Variants in ZFP37 observed in about 807,000 individuals in gnomAD.
ZFP37 encodes zinc finger protein 37 homolog.
In ZFP37, 38 loss-of-function variants were observed where a neutral mutation model predicts 52.1. The ratio of observed to expected loss-of-function variants is 0.73; its 90% CI spans 0.56 to 0.96. The LOEUF is 0.96. Ranked by LOEUF, ZFP37 falls within the 40% of genes least tolerant of loss-of-function variation. ZFP37 has a pLI of 0.00. For missense variants in ZFP37, 695 were observed against 741.4 expected (o/e 0.94, Z 0.73); for synonymous variants, 253 against 259.5 (o/e 0.98, Z 0.24).
rs763529866 is a variant in ZFP37 at position 113,042,873 on chromosome 9, A to G, written c.1745T>C (p.Phe582Ser). Residue 582 changes from phenylalanine to serine, a missense_variant, in exon 4 of 4, where the codon TTT becomes TCT. By Grantham distance (155) the Phe-to-Ser change is radical (BLOSUM62 -2). Around this residue, in one of 2 missense-constraint regions of ZFP37, gnomAD observed 326 missense variants for 400.5 expected, o/e 0.81. Coordinates refer to ENST00000374227, the MANE Select transcript of ZFP37 (RefSeq NM_003408.3). ...PYECNECEKA[F>S]NAKSQLVIHQ... The stretch of plus-strand genomic sequence containing the variant: ...TATAACAAGCTGTGATTTTGCATTA[A>G]AGGCTTTTTCACATTCGTTACATTC... 1 of 1,613,896 alleles carries G rather than the reference A, an allele frequency of 6.2e-7. No individual in the cohort carries two copies. Among genetic ancestry groups the G allele is most frequent in the Non-Finnish European group, 8.5e-7 (1 of 1,179,920 alleles).
At position 113,041,777 on chromosome 9, in the gene ZFP37, ATGT is replaced by A. The variant is rs1460172932; in HGVS notation, c.*945_*947del. 1 of 152,208 alleles carries A rather than the reference ATGT, an allele frequency of 6.6e-6. No individual in the cohort carries two copies. Among genetic ancestry groups the A allele is most frequent in the Non-Finnish European group, 1.5e-5 (1 of 68,036 alleles). 9.4% of individuals were successfully genotyped at this position (152,208 alleles called of 1,614,324 possible). The stretch of plus-strand genomic sequence containing the variant: ...CTGAGATCTCACATGTTGATCTCAC[ATGT>A]TGTGGAGGGGCTCAGTGACAACCTT... On this transcript the variant is annotated 3_prime_UTR_variant, in exon 4 of 4. Transcript: ENST00000374227.
chr9:113,048,195 G>C (rs888183690), intron 3 of ZFP37, among the ~76,000 whole-genome samples: 5 of 152,198 alleles, frequency 3.3e-5, no homozygotes, highest in African/African-American at 1.2e-4. Flanking sequence ...AATTTAGATA[G>C]AGGCATGAAT....
chr9:113,041,590 G>C lies in ZFP37; in HGVS notation c.*1135C>G, dbSNP rs553340632. ...CAATCACAATTCAACATCAAAAAAT[G>C]GCAAATGTAGAAACAGTGCTGTTAT... On this transcript the variant is annotated 3_prime_UTR_variant, in exon 4 of 4. Transcript: ENST00000374227. 1.3e-5 allele frequency: 2 copies of C among 152,240 alleles called. No homozygotes were observed. Among genetic ancestry groups the C allele is most frequent in the East Asian group, 3.9e-4 (2 of 5,184 alleles). The allele number at this position is 152,240 out of a possible 1,614,324, so 9.4% of individuals were successfully genotyped here. A position where few individuals can be genotyped will look rare whatever the true frequency, so the allele number is the denominator to read the frequency against.
In ZFP37 at chr9:113,043,807, G is replaced by C. The variant is rs772365522; in HGVS notation, c.811C>G (p.His271Asp). The change falls in exon 4 of 4, where the codon CAT becomes GAT. Residue 271 changes from histidine (H) to aspartate (D), a missense_variant. This residue lies in a region of ZFP37 where 369 missense variants were observed against 340.9 expected (regional missense o/e 1.08). Coordinates refer to ENST00000374227, the MANE Select transcript of ZFP37 (RefSeq NM_003408.3). ...GAGCTAAGGCTGGGTGATTTCTCATGTTTCTCTCCAGTTTGAATTTTGTCC... is the reference window on the plus strand; with the variant it reads ...GAGCTAAGGCTGGGTGATTTCTCATCTTTCTCTCCAGTTTGAATTTTGTCC... ...KQDKIQTGEK[H>D]EKSPSLSSST... 1 of 1,613,948 alleles carries C rather than the reference G, an allele frequency of 6.2e-7. No homozygotes were observed. The highest frequency in any genetic ancestry group is 8.5e-7 in the Non-Finnish European group (1 of 1,179,948).
At position 113,040,780 on chromosome 9, in the gene ZFP37, G is replaced by A. The variant is rs113740835; in HGVS notation, c.*1945C>T. ...GAATAAATGAAATAATGTAGGGATT[G>A]TGCTTTAAAAAATATAAAAGATAAC... On this transcript the variant is annotated 3_prime_UTR_variant, in exon 4 of 4. Coordinates refer to ENST00000374227, the MANE Select transcript of ZFP37 (RefSeq NM_003408.3). 3.9e-4 allele frequency: 60 copies of A among 152,160 alleles called. No homozygotes were observed. The highest frequency in any genetic ancestry group is 1.3e-3 in the African/African-American group (55 of 41,528). The allele number at this position is 152,160 out of a possible 1,614,324, so 9.4% of individuals were successfully genotyped here.
chr9:113,048,792 C>T (rs1019030518), intron 3 of ZFP37, among the ~76,000 whole-genome samples: 1 of 152,158 alleles, frequency 6.6e-6, no homozygotes, highest in African/African-American at 2.4e-5. Flanking sequence ...CCATGTTGAA[C>T]TCAGGAGTGG....
intron 3 of ZFP37, among the ~76,000 whole-genome samples, chr9:113,045,444 A>G (rs941604109): frequency 1.3e-5 from 2 of 152,204 alleles, no homozygotes; most frequent in African/African-American, 4.8e-5. Context: ...TTGTTTTCCA[A>G]TAGTTTGCTA....
chr9:113,051,144 T>C (rs1829050129), intron 1 of ZFP37, among the ~76,000 whole-genome samples: 1 of 152,138 alleles, frequency 6.6e-6, no homozygotes, highest in Admixed American at 6.5e-5. Context: ...GACAGAGCTA[T>C]GAAAAATACA....
chr9:113,042,732 T>C lies in ZFP37; in HGVS notation c.1886A>G (p.His629Arg). 2 of 1,545,018 alleles carry C rather than the reference T, an allele frequency of 1.3e-6. No homozygotes were observed. Among genetic ancestry groups the C allele is most frequent in the Non-Finnish European group, 1.7e-6 (2 of 1,144,170 alleles). ...HVKTHSEDKS[H>R]E is the part of the protein sequence containing the mutation. ...AAATTTCCCACATTAACTTCACTCA[T>C]GAGATTTATCTTCTGAATGAGTTTT... Residue 629 changes from histidine (H) to arginine (R), a missense_variant, in exon 4 of 4, where the codon CAT becomes CGT. This residue lies in a region of ZFP37 where 326 missense variants were observed against 400.5 expected (regional missense o/e 0.81). Transcript: ENST00000374227.
rs919522040 is a variant in ZFP37, at chr9:113,049,386, G to T, written c.325C>A (p.Pro109Thr). ...CTTCCATCAGTTTCTTTTTGCTTGG[G>T]TCTTGCTATTTTACTTGGACAACCT... ...SQGCPSKIAR[P>T]KQKETDGKVQ... The change falls in exon 3 of 4, where the codon CCC becomes ACC. Residue 109 changes from proline (P) to threonine (T), a missense_variant. This residue lies in a region of ZFP37 where 369 missense variants were observed against 340.9 expected (regional missense o/e 1.08). Coordinates refer to ENST00000374227, the MANE Select transcript of ZFP37 (RefSeq NM_003408.3). 1.2e-6 allele frequency: 2 copies of T among 1,613,638 alleles called. No individual in the cohort carries two copies. The highest frequency in any genetic ancestry group is 1.7e-6 in the Non-Finnish European group (2 of 1,179,852).
At chr9:113,044,298 T>C (rs996001036) in intron 3 of ZFP37, 30 bp from the exon 4 acceptor site, 8 of 1,517,134 alleles carry the variant, frequency 5.3e-6, no homozygotes, top group Admixed American at 4.6e-5. Context: ...GATATTCTTG[T>C]GAATCTTTGT....
In ZFP37 at chr9:113,043,785, C is replaced by A. The variant is rs1425083316; in HGVS notation, c.833G>T (p.Ser278Ile). The A allele has an allele frequency of 8.1e-6, 13 of 1,613,988 alleles. No homozygotes were observed. Among genetic ancestry groups the A allele is most frequent in the Non-Finnish European group, 9.3e-6 (11 of 1,179,964 alleles). ...GEKHEKSPSL[S>I]SSTKHEKPQA... ...AGGTTTTTCATGCTTAGTAGATGAG[C>A]TAAGGCTGGGTGATTTCTCATGTTT... The change falls in exon 4 of 4, where the codon AGC (serine) becomes ATC (isoleucine). Residue 278 changes from serine to isoleucine, a missense_variant. Ser to Ile is a moderately radical substitution (Grantham distance 142). Around this residue, in one of 2 missense-constraint regions of ZFP37, gnomAD observed 369 missense variants for 340.9 expected, o/e 1.08. Coordinates refer to ENST00000374227, the MANE Select transcript of ZFP37 (RefSeq NM_003408.3).
rs1828903069 is a variant in ZFP37 at position 113,043,863 on chromosome 9, A to G, written c.755T>C (p.Leu252Ser). 1 of 1,613,916 alleles carries G rather than the reference A, an allele frequency of 6.2e-7. No homozygotes were observed. Among genetic ancestry groups the G allele is most frequent in the African/African-American group, 1.3e-5 (1 of 74,898 alleles). The change falls in exon 4 of 4, where the codon TTA becomes TCA. Residue 252 changes from leucine to serine, a missense_variant. Physicochemically the swap from Leu to Ser is moderately radical, Grantham distance 145. Coordinates refer to ENST00000374227, the MANE Select transcript of ZFP37 (RefSeq NM_003408.3). Reference sequence around the variant, plus strand: ...AATATGGGATGAACTATGACAGCATAATTTGTCATGTTTTTTGCCAGTTTT... The same window carrying G: ...AATATGGGATGAACTATGACAGCATGATTTGTCATGTTTTTTGCCAGTTTT... ...CNKTGKKHDK[L>S]CCHSSSHIKQ...
In ZFP37 at chr9:113,042,886, A is replaced by C. The variant is rs778596440; in HGVS notation, c.1732T>G (p.Cys578Gly). 3.7e-6 allele frequency: 6 copies of C among 1,613,912 alleles called. No individual in the cohort carries two copies. ...TGEKPYECNE[C>G]EKAFNAKSQL... ...GATTTTGCATTAAAGGCTTTTTCAC[A>C]TTCGTTACATTCATAAGGTTTCTCC... Residue 578 changes from cysteine (C) to glycine (G), a missense_variant, in exon 4 of 4, where the codon TGT (cysteine) becomes GGT (glycine). Around this residue, in one of 2 missense-constraint regions of ZFP37, gnomAD observed 326 missense variants for 400.5 expected, o/e 0.81. Coordinates refer to ENST00000374227, the MANE Select transcript of ZFP37 (RefSeq NM_003408.3).
Position 113,049,466 on chromosome 9 carries a change from G to A in ZFP37, c.245C>T (p.Ser82Phe). The change falls in exon 3 of 4, where the codon TCC becomes TTC. Residue 82 changes from serine (S) to phenylalanine (F), a missense_variant. By Grantham distance (155) the Ser-to-Phe change is radical (BLOSUM62 -2). Transcript: ENST00000374227. The stretch of plus-strand genomic sequence containing the variant: ...TGGTGCTTCTCCTTTTTCCAACTTG[G>A]AGATCATGTCTGGTTTGGGAGCTTG... Reference protein sequence around the residue: ...GCQAPKPDMISKLEKGEAPWL... With the variant: ...GCQAPKPDMIFKLEKGEAPWL... The A allele has an allele frequency of 6.2e-7, 1 of 1,613,762 alleles. No homozygotes were observed. The highest frequency in any genetic ancestry group is 8.5e-7 in the Non-Finnish European group (1 of 1,179,848).
intron 1 of ZFP37, among the ~76,000 whole-genome samples, chr9:113,055,367 G>A (rs1238921138): frequency 6.6e-6 from 1 of 152,088 alleles, no homozygotes; most frequent in East Asian, 1.9e-4. Context: ...GCACTTATTA[G>A]TGTCTGGAAT....
chr9:113,047,258 A>G (rs541642396), intron 3 of ZFP37, among the ~76,000 whole-genome samples: 2 of 152,344 alleles, frequency 1.3e-5, no homozygotes, highest in East Asian at 3.9e-4. Flanking sequence ...CCATTAATGG[A>G]TGAATCAGAA....
At chr9:113,054,392 C>T (rs1829106330) in intron 1 of ZFP37, among the ~76,000 whole-genome samples, 1 of 152,136 alleles carries the variant, frequency 6.6e-6, no homozygotes, top group Non-Finnish European at 1.5e-5. Flanking sequence ...TCTTCTCTTC[C>T]CTATCTGTCT....
At chr9:113,044,960 T>C (rs1828926053) in intron 3 of ZFP37, among the ~76,000 whole-genome samples, 1 of 152,224 alleles carries the variant, frequency 6.6e-6, no homozygotes, top group East Asian at 1.9e-4. Flanking sequence ...AATGGCTTCC[T>C]AGTTCCTTCC....
Sources: allele counts gnomAD v4.1 joint callset (sites outside exome capture counted in the v4.1 genomes callset), GRCh38; gene constraint gnomAD v4.1.1; regional missense constraint gnomAD v4.1.1; transcripts MANE v1.5; gene names NCBI Gene and HGNC (gene_info 2026-07-23, HGNC 2026-07-21).